ZC3H12C: variants seen among roughly 807,000 people sequenced by gnomAD.
ZC3H12C encodes the protein zinc finger CCCH-type containing 12C, also known as probable ribonuclease ZC3H12C.
A neutral mutation model predicts 76.3 loss-of-function variants in ZC3H12C; 20 were observed. That is an observed-to-expected ratio of 0.26 (90% CI 0.18 to 0.38). The LOEUF (loss-of-function observed/expected upper bound fraction) is 0.38, where lower values mean the gene tolerates loss of function less well. Among genes scored for constraint, ZC3H12C ranks in the 10% least tolerant of loss-of-function variants. ZC3H12C has a pLI of 1.00. For missense variants in ZC3H12C, 874 were observed against 1,086.5 expected (o/e 0.80, Z 2.75); for synonymous variants, 352 against 399.6 (o/e 0.88, Z 1.42).
intron 2 of ZC3H12C, among the ~76,000 whole-genome samples, chr11:110,142,838 G>A (rs1329917445): frequency 6.6e-6 from 1 of 152,082 alleles, no homozygotes; most frequent in Non-Finnish European, 1.5e-5. Context: ...GGATGTACAG[G>A]GTTGTGTTCC....
rs536246192 is a variant in ZC3H12C at position 110,110,924 on chromosome 11, T to C, written c.21+17492T>C. Among the ~76,000 whole-genome samples the C allele has an allele frequency of 7.2e-5, 11 of 152,326 alleles. No homozygotes were observed. In the South Asian group the frequency reaches 2.1e-3, roughly 29 times the overall value. On this transcript the variant is annotated intron_variant, in intron 1 of 5. Transcript: ENST00000278590. Reference sequence around the variant, plus strand: ...ATGATTTTTAAAGAAAAATCAGGAATCAGCTTATAAGAAAAAACTTCACAA... The same window carrying C: ...ATGATTTTTAAAGAAAAATCAGGAACCAGCTTATAAGAAAAAACTTCACAA...
chr11:110,152,998 A>G lies in ZC3H12C; in HGVS notation c.853A>G (p.Ile285Val), dbSNP rs1298075098. The change falls in exon 3 of 6, where the codon ATT becomes GTT. Residue 285 changes from isoleucine to valine, a missense_variant. By Grantham distance (29) the Ile-to-Val change is conservative (BLOSUM62 3). This residue lies in a region of ZC3H12C where 269 missense variants were observed against 424.9 expected (regional missense o/e 0.63). Transcript: ENST00000278590. The part of the protein sequence containing the change: ...DWFLERGHKD[I>V]TVFVPAWRKE... ...GTTTTTGGAAAGAGGCCACAAAGAC[A>G]TTACAGTTTTTGTTCCTGCTTGGAG... is the stretch of plus-strand genomic sequence containing the variant. 1 of 1,612,188 alleles carries G rather than the reference A, an allele frequency of 6.2e-7. No homozygotes were observed. The highest frequency in any genetic ancestry group is 2.2e-5 in the East Asian group (1 of 44,866).
intron 1 of ZC3H12C, among the ~76,000 whole-genome samples, chr11:110,127,732 T>TA (rs1861775984): frequency 6.6e-6 from 1 of 151,250 alleles, no homozygotes; most frequent in Admixed American, 6.6e-5. Context: ...CCATCTCTAC[T>TA]AAAAAATACA....
At chr11:110,148,967 A>G (rs1169299991) in intron 2 of ZC3H12C, among the ~76,000 whole-genome samples, 3 of 152,128 alleles carry the variant, frequency 2.0e-5, no homozygotes, top group African/African-American at 4.8e-5. Flanking sequence ...TGTCCCTTAT[A>G]TTGTATCTAG....
intron 1 of ZC3H12C, chr11:110,131,400 C>T: frequency 2.9e-6 from 1 of 344,976 alleles, no homozygotes; most frequent in Non-Finnish European, 5.2e-6. Flanking sequence ...AATAAATGTT[C>T]CGATATTTTT....
At chr11:110,154,840 A>AAAAAAC (rs1245243567) in intron 3 of ZC3H12C, among the ~76,000 whole-genome samples, 2 of 150,732 alleles carry the variant, frequency 1.3e-5, no homozygotes, top group African/African-American at 2.4e-5. Context: ...TGATTAAAAA[A>AAAAAAC]AAAAAAAAAA....
intron 1 of ZC3H12C, among the ~76,000 whole-genome samples, chr11:110,104,783 C>T (rs1020381805): frequency 1.3e-5 from 2 of 152,182 alleles, no homozygotes; most frequent in Admixed American, 6.5e-5. Context: ...TATAAAAGTG[C>T]TTGACACATA....
chr11:110,110,163 A>G (rs940536433), intron 1 of ZC3H12C, among the ~76,000 whole-genome samples: 1 of 152,126 alleles, frequency 6.6e-6, no homozygotes, highest in Non-Finnish European at 1.5e-5. Flanking sequence ...GGATAGGAGA[A>G]ATAAAACTTC....
At position 110,168,783 on chromosome 11, in the gene ZC3H12C, A is replaced by G. The variant is rs1433314744; in HGVS notation, c.*3046A>G. The G allele has an allele frequency of 6.6e-6, 1 of 152,106 alleles. No homozygotes were observed. The highest frequency in any genetic ancestry group is 1.5e-5 in the Non-Finnish European group (1 of 68,002). 9.4% of individuals were successfully genotyped at this position (152,106 alleles called of 1,614,324 possible). The stretch of plus-strand genomic sequence containing the variant: ...TCTTGTTTTTATGATCTCTCTCTAT[A>G]TCCTGATAAGAGTTTGTCATTGACT... On this transcript the variant is annotated 3_prime_UTR_variant, in exon 6 of 6. Transcript: ENST00000278590.
At chr11:110,117,703 ATTATATATATACACACACAC>A (rs1400620102) in intron 1 of ZC3H12C, among the ~76,000 whole-genome samples, 1 of 116,312 alleles carries the variant, frequency 8.6e-6, no homozygotes, top group Non-Finnish European at 1.7e-5. Context: ...ACACATATAT[ATTATATATATACACACACAC>A]ATATATATAT....
At chr11:110,111,379 T>C (rs527724363) in intron 1 of ZC3H12C, among the ~76,000 whole-genome samples, 6 of 152,260 alleles carry the variant, frequency 3.9e-5, no homozygotes, top group African/African-American at 1.4e-4. Flanking sequence ...AATTCTCATA[T>C]CCTTCAATAT....
intron 1 of ZC3H12C, chr11:110,131,175 A>G (rs1861858976): frequency 8.3e-7 from 1 of 1,209,886 alleles, no homozygotes; most frequent in East Asian, 2.5e-5. Context: ...ATTAATTTGA[A>G]CTCTGTAAAA....
chr11:110,137,648 TC>T (rs1262174111), intron 2 of ZC3H12C, among the ~76,000 whole-genome samples: 1 of 152,196 alleles, frequency 6.6e-6, no homozygotes, highest in African/African-American at 2.4e-5. Context: ...TCTCTTTTTG[TC>T]CTCATCTGGC....
intron 1 of ZC3H12C, among the ~76,000 whole-genome samples, chr11:110,118,144 G>C (rs1001460243): frequency 6.7e-6 from 1 of 148,782 alleles, no homozygotes; most frequent in South Asian, 2.1e-4. Flanking sequence ...TATATATGTT[G>C]TATTAAAACA....
At chr11:110,102,993 T>G (rs1280587346) in intron 1 of ZC3H12C, among the ~76,000 whole-genome samples, 1 of 152,214 alleles carries the variant, frequency 6.6e-6, no homozygotes, top group South Asian at 2.1e-4. Context: ...CAAACATAAC[T>G]TTTATATTCA....
intron 1 of ZC3H12C, among the ~76,000 whole-genome samples, chr11:110,114,039 C>A (rs1371396200): frequency 6.6e-6 from 1 of 152,132 alleles, no homozygotes; most frequent in Admixed American, 6.5e-5. Context: ...AGTAGTTCCC[C>A]ACTACCAAAG....
chr11:110,155,537 G>A (rs1290755624), intron 3 of ZC3H12C, among the ~76,000 whole-genome samples: 4 of 149,978 alleles, frequency 2.7e-5, no homozygotes. Flanking sequence ...ATTTAGAATA[G>A]AAAAAAAAAA....
intron 1 of ZC3H12C, among the ~76,000 whole-genome samples, chr11:110,117,886 A>G (rs993031117): frequency 1.2e-5 from 1 of 81,348 alleles, no homozygotes; most frequent in Admixed American, 1.2e-4. Context: ...ACATATATAT[A>G]TTATATATAT....
At chr11:110,115,748 C>CTTTTT (rs71476067) in intron 1 of ZC3H12C, among the ~76,000 whole-genome samples, 41 of 120,308 alleles carry the variant, frequency 3.4e-4, no homozygotes, top group African/African-American at 5.1e-4. Context: ...TTCTCATTTT[C>CTTTTT]TTTTTTTTTT....
Sources: allele counts gnomAD v4.1 joint callset (sites outside exome capture counted in the v4.1 genomes callset), GRCh38; gene constraint gnomAD v4.1.1; regional missense constraint gnomAD v4.1.1; transcripts MANE v1.5; gene names NCBI Gene and HGNC (gene_info 2026-07-23, HGNC 2026-07-21).